The following SNTG1 variants were observed in gnomAD, a reference collection of about 807,000 sequenced individuals.
SNTG1 encodes syntrophin gamma 1, also known as gamma-1-syntrophin.
A neutral mutation model predicts 74.7 loss-of-function variants in SNTG1; 39 were observed. The ratio of observed to expected loss-of-function variants is 0.52; its 90% confidence interval spans 0.40 to 0.68. SNTG1 has a LOEUF of 0.68. Ranked by LOEUF, SNTG1 falls within the 30% of genes least tolerant of loss-of-function variation. The pLI is 0.00. For missense variants in SNTG1, 685 were observed against 609.5 expected, an observed-to-expected ratio of 1.12 and a Z score of -1.30; for synonymous variants, 254 against 217.1, an observed-to-expected ratio of 1.17 and a Z score of -1.49.
In SNTG1 at chr8:50,092,518, G is replaced by T. The variant is rs112299726; in HGVS notation, c.-102-80043G>T. ...CTGGAAAACTTGGGTGGGATTTGGC[G>T]CACACCTGATTTTGGCTTCAGGACT... On this transcript the variant is annotated intron_variant, in intron 1 of 18. Transcript: ENST00000642720. Among the ~76,000 whole-genome samples the T allele has an allele frequency of 6.6e-5, 10 of 152,220 alleles. 1 individual carries two copies. Among genetic ancestry groups the T allele is most frequent in the African/African-American group, 2.4e-4 (10 of 41,538 alleles).
At chr8:50,514,409 T>C (rs1000851791) in intron 9 of SNTG1, among the ~76,000 whole-genome samples, 1 of 152,214 alleles carries the variant, frequency 6.6e-6, no homozygotes, top group African/African-American at 2.4e-5. Context: ...CCATGAATTT[T>C]TGTATGTTGT....
At chr8:50,465,860 C>T (rs1250052848) in intron 8 of SNTG1, among the ~76,000 whole-genome samples, 1 of 152,148 alleles carries the variant, frequency 6.6e-6, no homozygotes, top group Non-Finnish European at 1.5e-5. Context: ...GGGCATCACA[C>T]TTGCTTCTAC....
chr8:49,992,954 T>C (rs1468828507), intron 1 of SNTG1, among the ~76,000 whole-genome samples: 2 of 152,200 alleles, frequency 1.3e-5, no homozygotes, highest in African/African-American at 2.4e-5. Flanking sequence ...TAAATACATA[T>C]AGATAGAGGA....
chr8:50,090,608 A>G (rs1245300006), intron 1 of SNTG1, among the ~76,000 whole-genome samples: 1 of 152,142 alleles, frequency 6.6e-6, no homozygotes, highest in Non-Finnish European at 1.5e-5. Flanking sequence ...ACAATGAGCT[A>G]ATTGGGTCCT....
intron 15 of SNTG1, among the ~76,000 whole-genome samples, chr8:50,693,156 C>A (rs1343174061): frequency 1.3e-5 from 2 of 152,134 alleles, no homozygotes; most frequent in South Asian, 4.1e-4. Context: ...GTCTGTCACC[C>A]CTTTCTTTGA....
chr8:50,734,077 A>G (rs1315828620), intron 17 of SNTG1, among the ~76,000 whole-genome samples: 4 of 151,758 alleles, frequency 2.6e-5, no homozygotes, highest in African/African-American at 9.7e-5. Context: ...ACTTAACTTT[A>G]AAATATTTTT....
intron 1 of SNTG1, among the ~76,000 whole-genome samples, chr8:49,935,628 G>T (rs2129364063): frequency 6.6e-6 from 1 of 152,150 alleles, no homozygotes; most frequent in South Asian, 2.1e-4. Flanking sequence ...AGACAGACAG[G>T]AGAAATCAAA....
chr8:50,264,496 G>C (rs1217066843), intron 2 of SNTG1, among the ~76,000 whole-genome samples: 11 of 151,744 alleles, frequency 7.2e-5, no homozygotes, highest in Admixed American at 7.2e-4. Flanking sequence ...CTTGAATCCA[G>C]GAGGCAGAAG....
intron 15 of SNTG1, among the ~76,000 whole-genome samples, chr8:50,663,119 G>GA (rs919627798): frequency 6.6e-6 from 1 of 152,098 alleles, no homozygotes; most frequent in Non-Finnish European, 1.5e-5. Flanking sequence ...AGTAGGAGGG[G>GA]AGGAGCAACC....
chr8:50,626,060 C>T (rs2094954239), intron 13 of SNTG1, among the ~76,000 whole-genome samples: 1 of 152,156 alleles, frequency 6.6e-6, no homozygotes, highest in Non-Finnish European at 1.5e-5. Context: ...AGAATTCAAA[C>T]CCAGGTTTGC....
chr8:50,103,600 G>C (rs1286925317), intron 1 of SNTG1, among the ~76,000 whole-genome samples: 1 of 151,608 alleles, frequency 6.6e-6, no homozygotes, highest in Admixed American at 6.6e-5. Flanking sequence ...ACACTATGTT[G>C]AATAGGAGTG....
At chr8:50,166,608 A>G (rs2082621764) in intron 1 of SNTG1, among the ~76,000 whole-genome samples, 1 of 62,474 alleles carries the variant, frequency 1.6e-5, no homozygotes, top group Non-Finnish European at 3.0e-5. Context: ...CAATCATTAA[A>G]AAGTCAGGAA....
At chr8:50,517,136 A>G (rs2094140127) in intron 9 of SNTG1, among the ~76,000 whole-genome samples, 1 of 152,240 alleles carries the variant, frequency 6.6e-6, no homozygotes, top group Non-Finnish European at 1.5e-5. Context: ...GTGGGGGCTA[A>G]TATTCAACAT....
At chr8:50,054,082 A>G (rs535272208) in intron 1 of SNTG1, among the ~76,000 whole-genome samples, 12 of 152,176 alleles carry the variant, frequency 7.9e-5, no homozygotes, top group East Asian at 3.9e-4. Flanking sequence ...TTGATTCTCA[A>G]TAAAGAAGAC....
At chr8:49,981,722 TTTTTTAA>T (rs1332904807) in intron 1 of SNTG1, among the ~76,000 whole-genome samples, 1 of 152,208 alleles carries the variant, frequency 6.6e-6, no homozygotes, top group Non-Finnish European at 1.5e-5. Flanking sequence ...CTTTTATGCA[TTTTTTAA>T]TTTTTATGAA....
intron 15 of SNTG1, among the ~76,000 whole-genome samples, chr8:50,694,226 A>T (rs2095394781): frequency 6.6e-6 from 1 of 152,028 alleles, no homozygotes; most frequent in East Asian, 1.9e-4. Context: ...AAGAGACTCA[A>T]ATAAATAAAA....
At chr8:50,083,106 G>A (rs182293820) in intron 1 of SNTG1, among the ~76,000 whole-genome samples, 77 of 152,204 alleles carry the variant, frequency 5.1e-4, no homozygotes, top group Admixed American at 1.0e-3. Context: ...GGGAGTCCTG[G>A]GACTAGTGTG....
At chr8:50,476,634 C>T (rs1482980574) in intron 8 of SNTG1, among the ~76,000 whole-genome samples, 1 of 152,048 alleles carries the variant, frequency 6.6e-6, no homozygotes, top group Non-Finnish European at 1.5e-5. Flanking sequence ...TAAGTCATTG[C>T]ACATAGAAAC....
At chr8:50,177,489 C>T (rs546907465) in intron 2 of SNTG1, among the ~76,000 whole-genome samples, 117 of 152,288 alleles carry the variant, frequency 7.7e-4, no homozygotes, top group Admixed American at 1.8e-3. Flanking sequence ...ACTATTCCCA[C>T]GGAGGAGGAG....
Sources: allele counts gnomAD v4.1 joint callset (sites outside exome capture counted in the v4.1 genomes callset), GRCh38; gene constraint gnomAD v4.1.1; transcripts MANE v1.5; gene names NCBI Gene and HGNC (gene_info 2026-07-23, HGNC 2026-07-21).